PVT1: variants seen among roughly 807,000 people sequenced by gnomAD.
PVT1 encodes CXCR4/PVT1 fusion.
intron 3 of PVT1, among the ~76,000 whole-genome samples, chr8:127,985,432 G>A (rs929934782): frequency 6.7e-6 from 1 of 150,128 alleles, no homozygotes; most frequent in East Asian, 2.0e-4. Flanking sequence ...CGGCTGAGTA[G>A]CTGCTTTTTT....
intron 3 of PVT1, among the ~76,000 whole-genome samples, chr8:127,945,470 G>A (rs189910965): frequency 6.6e-6 from 1 of 152,162 alleles, no homozygotes; most frequent in African/African-American, 2.4e-5. Flanking sequence ...TTTGCTTTTT[G>A]CCAGTCTCAT....
At chr8:127,812,240 AAGGAAGGCAGGAAGGC>A (rs1164337193) in intron 2 of PVT1, among the ~76,000 whole-genome samples, 2 of 127,722 alleles carry the variant, frequency 1.6e-5, no homozygotes, top group African/African-American at 3.6e-5. Context: ...GGCAGGAAGG[AAGGAAGGCAGGAAGGC>A]AGGAAGGCAG....
intron 4 of PVT1, among the ~76,000 whole-genome samples, chr8:128,043,462 G>C (rs1813570078): frequency 6.6e-6 from 1 of 152,114 alleles, no homozygotes; most frequent in Non-Finnish European, 1.5e-5. Flanking sequence ...CAGACTGGAA[G>C]CTGGGTCACA....
chr8:127,853,557 G>T (rs1246792642), intron 2 of PVT1, among the ~76,000 whole-genome samples: 1 of 152,138 alleles, frequency 6.6e-6, no homozygotes, highest in African/African-American at 2.4e-5. Flanking sequence ...AAAGCTGGGG[G>T]ATCACCTGAG....
chr8:128,030,667 CACTT>C (rs1813377186), intron 4 of PVT1, among the ~76,000 whole-genome samples: 1 of 152,214 alleles, frequency 6.6e-6, no homozygotes, highest in African/African-American at 2.4e-5. Context: ...CTGTGTGCCT[CACTT>C]ACTGTCATCT....
chr8:128,001,692 A>C (rs1563662325), intron 4 of PVT1, among the ~76,000 whole-genome samples: 1 of 152,116 alleles, frequency 6.6e-6, no homozygotes, highest in Non-Finnish European at 1.5e-5. Context: ...AATCCCATAA[A>C]CTGGGTGGTT....
intron 2 of PVT1, among the ~76,000 whole-genome samples, chr8:127,810,953 T>C (rs1259002824): frequency 6.6e-6 from 1 of 152,146 alleles, no homozygotes; most frequent in Non-Finnish European, 1.5e-5. Flanking sequence ...CCCATAGTAT[T>C]ACTATGTTGT....
At chr8:128,099,100 C>T (rs1814467593) in intron 6 of PVT1, among the ~76,000 whole-genome samples, 1 of 152,198 alleles carries the variant, frequency 6.6e-6, no homozygotes, top group Non-Finnish European at 1.5e-5. Context: ...CCAGGGGTCG[C>T]CTAGCTAAGC....
At chr8:127,840,074 A>G (rs760390949) in intron 2 of PVT1, among the ~76,000 whole-genome samples, 5 of 152,194 alleles carry the variant, frequency 3.3e-5, no homozygotes, top group Non-Finnish European at 7.3e-5. Context: ...CCAAGTCCCA[A>G]TGGCTGGAGA....
At chr8:127,826,014 C>CTTTTTTTTTTTTTTT (rs57575268) in intron 2 of PVT1, among the ~76,000 whole-genome samples, 2 of 89,696 alleles carry the variant, frequency 2.2e-5, no homozygotes, top group Non-Finnish European at 4.0e-5. Flanking sequence ...CCATGCCCAG[C>CTTTTTTTTTTTTTTT]TTTTTTTTTT....
At chr8:127,981,226 A>G (rs1249054192) in intron 3 of PVT1, among the ~76,000 whole-genome samples, 1 of 152,232 alleles carries the variant, frequency 6.6e-6, no homozygotes, top group African/African-American at 2.4e-5. Flanking sequence ...CTCAAGGAGA[A>G]CTAGAGATTG....
chr8:127,922,918 G>A (rs1281596437), intron 3 of PVT1, among the ~76,000 whole-genome samples: 3 of 152,208 alleles, frequency 2.0e-5, no homozygotes, highest in South Asian at 2.1e-4. Context: ...AAAGAGTCAC[G>A]GGAGTCCCAG....
chr8:127,880,735 C>A (rs1006754872), intron 2 of PVT1, among the ~76,000 whole-genome samples: 26 of 151,792 alleles, frequency 1.7e-4, no homozygotes. Flanking sequence ...CGAGTAGCTG[C>A]GACTATAGGC....
intron 2 of PVT1, among the ~76,000 whole-genome samples, chr8:127,807,235 A>G (rs1375643423): frequency 6.6e-6 from 1 of 152,250 alleles, no homozygotes; most frequent in Non-Finnish European, 1.5e-5. Context: ...GATCTATATC[A>G]AACTCACTGT....
chr8:127,831,398 G>A (rs150065399), intron 2 of PVT1, among the ~76,000 whole-genome samples: 29 of 152,172 alleles, frequency 1.9e-4, no homozygotes, highest in South Asian at 6.2e-4. Flanking sequence ...GATTGTGGGC[G>A]CAGAGAGTTC....
chr8:128,094,763 C>T (rs1234720724), intron 5 of PVT1, among the ~76,000 whole-genome samples: 1 of 152,182 alleles, frequency 6.6e-6, no homozygotes, highest in African/African-American at 2.4e-5. Flanking sequence ...CCATGAAAAC[C>T]ATAGAAAAAG....
intron 4 of PVT1, among the ~76,000 whole-genome samples, chr8:128,047,711 G>A (rs1221300743): frequency 6.6e-6 from 1 of 152,102 alleles, no homozygotes; most frequent in African/African-American, 2.4e-5. Context: ...GTTAGTGATT[G>A]GTTGATTAAG....
At chr8:127,914,679 C>T (rs1043351054) in intron 3 of PVT1, among the ~76,000 whole-genome samples, 3 of 152,046 alleles carry the variant, frequency 2.0e-5, no homozygotes, top group Non-Finnish European at 4.4e-5. Flanking sequence ...AGAAGCTAGG[C>T]ACAAAAAGTC....
At chr8:127,873,888 C>G (rs1483255158) in intron 2 of PVT1, among the ~76,000 whole-genome samples, 1 of 152,194 alleles carries the variant, frequency 6.6e-6, no homozygotes, top group Admixed American at 6.5e-5. Context: ...AGCACAGTGA[C>G]TAACATACAA....
Sources: allele counts gnomAD v4.1 joint callset (sites outside exome capture counted in the v4.1 genomes callset), GRCh38; gene constraint gnomAD v4.1.1; transcripts MANE v1.5; gene names NCBI Gene and HGNC (gene_info 2026-07-23, HGNC 2026-07-21).